Variants in HNRNPLL observed in about 807,000 individuals in gnomAD.
HNRNPLL encodes the protein heterogeneous nuclear ribonucleoprotein L-like.
Under a neutral mutation model 67.1 loss-of-function variants are expected in HNRNPLL, and 25 were observed. That is an observed-to-expected ratio of 0.37 (90% CI 0.27 to 0.52). HNRNPLL has a LOEUF of 0.52. HNRNPLL is among the 20% of genes least tolerant of loss of function. The probability of loss-of-function intolerance (pLI) is 0.90; values close to 1 mark genes in which losing one functional copy is unlikely to be tolerated. For synonymous variants in HNRNPLL, 267 were observed against 241.7 expected (o/e 1.10, Z -0.97); for missense variants, 542 against 673.9 (o/e 0.80, Z 2.17).
chr2:38,589,258 A>C lies in HNRNPLL; in HGVS notation c.308+2272T>G, dbSNP rs190081095. ...TTTCTTCTGAGCTTCTTACCTATGC[A>C]TCTAGTTTTTATATATAAGCTTACT... On this transcript the variant is annotated intron_variant, in intron 2 of 12. Transcript: ENST00000449105. Among the ~76,000 whole-genome samples the C allele has an allele frequency of 2.2e-4, 34 of 152,336 alleles. No homozygotes were observed. The East Asian group carries it at 4.0e-3, about 18-fold the overall frequency.
At chr2:38,568,004 T>G in intron 12 of HNRNPLL, 195 bp downstream of exon 12, 1 of 499,316 alleles carries the variant, frequency 2.0e-6, no homozygotes, top group Non-Finnish European at 3.5e-6. Context: ...GTTTGCTGTT[T>G]TAAGATGCTA....
In HNRNPLL at chr2:38,602,132, C is replaced by G. The variant is rs139260985; in HGVS notation, c.189+306G>C. 2.7e-3 allele frequency: 1,045 copies of G among 392,070 alleles called. 8 individuals are homozygous for G. Among genetic ancestry groups the G allele is most frequent in the African/African-American group, 0.021 (980 of 46,666 alleles). 24.3% of individuals were successfully genotyped at this position (392,070 alleles called of 1,614,324 possible). The stretch of plus-strand genomic sequence containing the variant: ...AACTAACAAAGAGCTCCCCGAGCCG[C>G]GAAACCCCCCAGAGCGGAAGCGACG... On this transcript the variant is annotated intron_variant, in intron 1 of 12. Coordinates refer to ENST00000449105, the MANE Select transcript of HNRNPLL (RefSeq NM_138394.4).
intron 3 of HNRNPLL, 72 bp downstream of exon 3, chr2:38,585,572 C>T (rs1653668622): frequency 5.6e-6 from 5 of 889,406 alleles, no homozygotes; most frequent in Non-Finnish European, 9.4e-6. Context: ...AATGAAAAAA[C>T]TACAGATCAG....
chr2:38,588,560 A>AAAAAAAAG (rs1666826280), intron 2 of HNRNPLL, among the ~76,000 whole-genome samples: 1 of 150,448 alleles, frequency 6.6e-6, no homozygotes, highest in African/African-American at 2.5e-5. Context: ...AAAAAAAAAA[A>AAAAAAAAG]AAAAAAAGGG....
Position 38,568,272 on chromosome 2 carries a change from T to A in HNRNPLL, c.1500A>T (p.Leu500=). The part of the protein sequence containing the change: ...AKPSAKTLSG[L]LEWECKTDAV... ...CATCAGTTTTGCACTCCCATTCTAA[T>A]AGCCCAGAAAGTGTTTTGGCTGAAG... The change falls in exon 12 of 13, where the codon CTA becomes CTT. Residue 500 remains leucine, a synonymous_variant. Coordinates refer to ENST00000449105, the MANE Select transcript of HNRNPLL (RefSeq NM_138394.4). 6.2e-7 allele frequency: 1 copy of A among 1,613,652 alleles called. No homozygotes were observed. The highest frequency in any genetic ancestry group is 1.1e-5 in the South Asian group (1 of 91,076).
At chr2:38,567,466 G>C (rs1322902846) in intron 12 of HNRNPLL, among the ~76,000 whole-genome samples, 2 of 152,074 alleles carry the variant, frequency 1.3e-5, no homozygotes, top group African/African-American at 4.8e-5. Flanking sequence ...AAGAAAAAAA[G>C]AACAAGACAA....
chr2:38,599,883 A>G, intron 1 of HNRNPLL: 2 of 471,210 alleles, frequency 4.2e-6, no homozygotes, highest in Non-Finnish European at 8.8e-6. Flanking sequence ...AAAGAATGCC[A>G]TCATTGTACC....
intron 4 of HNRNPLL, 122 bp from the exon 5 acceptor site, chr2:38,582,290 T>A: frequency 1.4e-6 from 1 of 725,826 alleles, no homozygotes; most frequent in Non-Finnish European, 2.4e-6. Flanking sequence ...TTTTACCAAT[T>A]TCAGGATGAA....
chr2:38,562,653 TCA>T lies in HNRNPLL; in HGVS notation c.*1527_*1528del, dbSNP rs1388456331. On this transcript the variant is annotated 3_prime_UTR_variant, in exon 13 of 13. Coordinates refer to ENST00000449105, the MANE Select transcript of HNRNPLL (RefSeq NM_138394.4). ...TACATAGCCCAGTATCGAACACAGT[TCA>T]CACAGTTACCCTTGGCATAACTTAC... 2 of 152,134 alleles carry T rather than the reference TCA, an allele frequency of 1.3e-5. No homozygotes were observed. The highest frequency in any genetic ancestry group is 2.4e-5 in the African/African-American group (1 of 41,438). 9.4% of individuals were successfully genotyped at this position (152,134 alleles called of 1,614,324 possible).
intron 1 of HNRNPLL, among the ~76,000 whole-genome samples, chr2:38,600,418 C>T (rs1285871453): frequency 1.3e-5 from 2 of 152,128 alleles, no homozygotes; most frequent in African/African-American, 4.8e-5. Flanking sequence ...AACTGACTTT[C>T]TCAGACTCAC....
chr2:38,601,006 T>C (rs747592569), intron 1 of HNRNPLL, among the ~76,000 whole-genome samples: 4 of 152,234 alleles, frequency 2.6e-5, no homozygotes, highest in Non-Finnish European at 5.9e-5. Context: ...AAGCAAGATT[T>C]CTAGCAACGA....
At chr2:38,577,856 G>C (rs1443967531) in intron 6 of HNRNPLL, 3 of 475,744 alleles carry the variant, frequency 6.3e-6, no homozygotes, top group South Asian at 1.6e-5. Flanking sequence ...ACACTGTACA[G>C]AAGTTTTTAC....
chr2:38,564,320 C>T lies in HNRNPLL; in HGVS notation c.1574-83G>A. The T allele has an allele frequency of 4.0e-6, 3 of 749,104 alleles. No homozygotes were observed. In the South Asian group the frequency reaches 4.7e-5, roughly 12 times the overall value. The allele number at this position is 749,104 out of a possible 1,614,324, so 46.4% of individuals were successfully genotyped here. ...GAAGTATCAGAGTAAATTACTTCAC[C>T]TTTTTATACTAAATATAAGAAATAT... On this transcript the variant is annotated intron_variant, in intron 12 of 12. Transcript: ENST00000449105.
At chr2:38,581,838 A>C (rs1292285401) in intron 6 of HNRNPLL, 75 bp downstream of exon 6, 5 of 942,740 alleles carry the variant, frequency 5.3e-6, no homozygotes, top group Non-Finnish European at 6.9e-6. Context: ...AGCTCATCTC[A>C]GGAAAAAAGA....
At chr2:38,581,809 G>C in intron 6 of HNRNPLL, 104 bp downstream of exon 6, 1 of 772,930 alleles carries the variant, frequency 1.3e-6, no homozygotes, top group Non-Finnish European at 2.2e-6. Context: ...CATCAACAAG[G>C]TTTTCATTTG....
chr2:38,597,287 C>T (rs186783967), intron 1 of HNRNPLL, among the ~76,000 whole-genome samples: 9 of 152,194 alleles, frequency 5.9e-5, no homozygotes, highest in South Asian at 2.1e-4. Context: ...GGCGAAATAT[C>T]CTCCAGGTTC....
rs925724999 is a variant in HNRNPLL, at chr2:38,563,741, CAA to C, written c.*439_*440del. 4 of 153,876 alleles carry C rather than the reference CAA, an allele frequency of 2.6e-5. No individual in the cohort carries two copies. Among genetic ancestry groups the C allele is most frequent in the African/African-American group, 9.7e-5 (4 of 41,430 alleles). The allele number at this position is 153,876 out of a possible 1,614,324, so 9.5% of individuals were successfully genotyped here. A position where few individuals can be genotyped will look rare whatever the true frequency, so the allele number is the denominator to read the frequency against. ...AAACTTCATTAAAATAATAAATATA[CAA>C]GTTATGTTTAATATGAGTAACTGCA... On this transcript the variant is annotated 3_prime_UTR_variant, in exon 13 of 13. Coordinates refer to ENST00000449105, the MANE Select transcript of HNRNPLL (RefSeq NM_138394.4).
At chr2:38,570,622 G>A (rs753773349) in intron 8 of HNRNPLL, among the ~76,000 whole-genome samples, 1 of 152,164 alleles carries the variant, frequency 6.6e-6, no homozygotes, top group Non-Finnish European at 1.5e-5. Flanking sequence ...AGGGTTAGAA[G>A]GTATGAAGTA....
rs540782109 is a variant in HNRNPLL, at chr2:38,576,777, G to A, written c.874+684C>T. On this transcript the variant is annotated intron_variant, in intron 7 of 12. Transcript: ENST00000449105. ...TATTGTGCTTCAACTTTAAAGCACA[G>A]AATAGGTAGAGTCAATAACTACCAC... Among the ~76,000 whole-genome samples, 228 of 151,980 alleles carry A rather than the reference G, an allele frequency of 1.5e-3. 1 individual carries two copies. The highest frequency in any genetic ancestry group is 5.1e-3 in the African/African-American group (212 of 41,518).
Sources: allele counts gnomAD v4.1 joint callset (sites outside exome capture counted in the v4.1 genomes callset), GRCh38; gene constraint gnomAD v4.1.1; transcripts MANE v1.5; gene names NCBI Gene and HGNC (gene_info 2026-07-23, HGNC 2026-07-21).